The following SSBP3 variants were observed in gnomAD, a reference collection of about 807,000 sequenced individuals.
The protein encoded by SSBP3 is single-stranded DNA-binding protein 3.
SSBP3 carries 5 observed loss-of-function variants against 69.6 expected under a neutral mutation model. The ratio of observed to expected loss-of-function variants is 0.07; its 90% CI spans 0.04 to 0.15. The LOEUF (loss-of-function observed/expected upper bound fraction) is 0.15. SSBP3 is among the 10% of genes least tolerant of loss of function. The pLI is 1.00. For synonymous variants in SSBP3, 196 were observed against 193.4 expected (o/e 1.01, Z -0.11); for missense variants, 312 against 534.0 (o/e 0.58, Z 4.10).
chr1:54,318,422 C>T (rs1646152835), intron 4 of SSBP3, among the ~76,000 whole-genome samples: 1 of 152,172 alleles, frequency 6.6e-6, no homozygotes, highest in Non-Finnish European at 1.5e-5. Flanking sequence ...AGATTGATCA[C>T]CAGGGTAGGA....
At chr1:54,374,360 C>G (rs993978875) in intron 4 of SSBP3, among the ~76,000 whole-genome samples, 3 of 152,210 alleles carry the variant, frequency 2.0e-5, no homozygotes, top group African/African-American at 7.2e-5. Context: ...GCAAACATCC[C>G]AGGTCATCCC....
intron 4 of SSBP3, among the ~76,000 whole-genome samples, chr1:54,391,935 C>G (rs914106062): frequency 6.6e-6 from 1 of 152,166 alleles, no homozygotes; most frequent in Non-Finnish European, 1.5e-5. Flanking sequence ...AGCCAGCCAG[C>G]AGGGACAGGC....
At chr1:54,272,850 C>T (rs191514664) in intron 5 of SSBP3, among the ~76,000 whole-genome samples, 36 of 152,348 alleles carry the variant, frequency 2.4e-4, no homozygotes, top group South Asian at 1.2e-3. Context: ...TGACACCCAT[C>T]CTTCCAGTAT....
intron 14 of SSBP3, among the ~76,000 whole-genome samples, chr1:54,234,438 A>G (rs2100588868): frequency 6.6e-6 from 1 of 152,204 alleles, no homozygotes; most frequent in Admixed American, 6.5e-5. Flanking sequence ...AACAAATAAA[A>G]TTAGCCGGGT....
chr1:54,235,273 GTTTTTTTTT>G (rs200538399), intron 14 of SSBP3, among the ~76,000 whole-genome samples: 1 of 112,034 alleles, frequency 8.9e-6, no homozygotes, highest in South Asian at 3.2e-4. Context: ...AAGATGTCCA[GTTTTTTTTT>G]TTTTTTTTTT....
At chr1:54,266,594 T>G (rs1042104927) in intron 5 of SSBP3, among the ~76,000 whole-genome samples, 7 of 152,220 alleles carry the variant, frequency 4.6e-5, no homozygotes, top group African/African-American at 1.7e-4. Context: ...TCTTCTGTAA[T>G]TCTCAAGGAA....
chr1:54,374,916 G>A (rs1647192147), intron 4 of SSBP3, among the ~76,000 whole-genome samples: 2 of 152,194 alleles, frequency 1.3e-5, no homozygotes, highest in South Asian at 2.1e-4. Flanking sequence ...GTGGGCAGGA[G>A]GCCAGGGGCC....
intron 4 of SSBP3, among the ~76,000 whole-genome samples, chr1:54,294,388 C>T (rs1007029483): frequency 4.0e-5 from 6 of 151,136 alleles, no homozygotes; most frequent in African/African-American, 1.5e-4. Context: ...AAAGCCCTCA[C>T]AAACGACTTG....
At chr1:54,278,217 G>A (rs1488316937) in intron 5 of SSBP3, among the ~76,000 whole-genome samples, 1 of 152,128 alleles carries the variant, frequency 6.6e-6, no homozygotes, top group Non-Finnish European at 1.5e-5. Flanking sequence ...CTAGTGCTTT[G>A]GGGCTGCCTG....
chr1:54,308,078 T>C (rs939393653), intron 4 of SSBP3, among the ~76,000 whole-genome samples: 2 of 152,226 alleles, frequency 1.3e-5, no homozygotes, highest in Non-Finnish European at 2.9e-5. Context: ...CTAGTGCTTA[T>C]AGAATCCATT....
intron 4 of SSBP3, among the ~76,000 whole-genome samples, chr1:54,383,877 C>T (rs925590199): frequency 2.6e-5 from 4 of 152,048 alleles, no homozygotes; most frequent in Admixed American, 6.6e-5. Context: ...GAGGCCGAGG[C>T]GGGCGGATCA....
At chr1:54,304,916 A>ACC (rs917461115) in intron 4 of SSBP3, among the ~76,000 whole-genome samples, 17 of 152,082 alleles carry the variant, frequency 1.1e-4, no homozygotes, top group Non-Finnish European at 2.1e-4. Context: ...AGCCTGGAAG[A>ACC]CCACCACCAC....
chr1:54,311,535 G>T lies in SSBP3; in HGVS notation c.277-30008C>A, dbSNP rs1646001620. The stretch of plus-strand genomic sequence containing the variant: ...CTATTAAAGGACCTACCCACAAGAT[G>T]TCAAAATCGAGACAACCCTGCCTAC... On this transcript the variant is annotated intron_variant, in intron 4 of 17. Transcript: ENST00000610401. Among the ~76,000 whole-genome samples, 4 of 152,252 alleles carry T rather than the reference G, an allele frequency of 2.6e-5. No individual in the cohort carries two copies. The East Asian group carries it at 5.8e-4, about 22-fold the overall frequency.
At chr1:54,369,730 T>A (rs957009377) in intron 4 of SSBP3, among the ~76,000 whole-genome samples, 1 of 151,500 alleles carries the variant, frequency 6.6e-6, no homozygotes. Flanking sequence ...ATACTCAGAC[T>A]CACCAACCAG....
chr1:54,378,847 CCGCTTTATCCTCCTCCGAG>C (rs1235034999), intron 4 of SSBP3, among the ~76,000 whole-genome samples: 2 of 152,186 alleles, frequency 1.3e-5, no homozygotes, highest in Non-Finnish European at 2.9e-5. Context: ...AAAAGAGAGC[CCGCTTTATCCTCCTCCGAG>C]GAAGGAACTC....
At chr1:54,354,717 C>T (rs1342535552) in intron 4 of SSBP3, among the ~76,000 whole-genome samples, 1 of 152,116 alleles carries the variant, frequency 6.6e-6, no homozygotes, top group Non-Finnish European at 1.5e-5. Flanking sequence ...GAACACTAAC[C>T]TCTCCAGGGG....
chr1:54,232,271 G>A (rs565023200), intron 14 of SSBP3, among the ~76,000 whole-genome samples: 2 of 152,128 alleles, frequency 1.3e-5, no homozygotes, highest in South Asian at 4.2e-4. Flanking sequence ...CTTTTTGCTC[G>A]AATACTTAAA....
At chr1:54,305,918 T>C (rs534471942) in intron 4 of SSBP3, among the ~76,000 whole-genome samples, 1 of 150,674 alleles carries the variant, frequency 6.6e-6, no homozygotes, top group East Asian at 1.9e-4. Context: ...CTGCAAGCTG[T>C]TTCCTATGAT....
rs185980197 is a variant in SSBP3 at position 54,283,041 on chromosome 1, C to T, written c.277-1514G>A. Among the ~76,000 whole-genome samples the T allele has an allele frequency of 3.3e-3, 505 of 152,240 alleles. 8 individuals carry two copies. The highest frequency in any genetic ancestry group is 4.3e-3 in the Admixed American group (66 of 15,294). On this transcript the variant is annotated intron_variant, in intron 4 of 17. Coordinates refer to ENST00000610401, the Ensembl canonical transcript of SSBP3. ...CGACACTTTGGGAGGCCAAGGTGGG[C>T]GGATCACCTGAGGTCAGGAGTTTGA...
Sources: gnomAD v4.1 joint callset for allele counts (sites outside exome capture counted in the v4.1 genomes callset) on GRCh38, gnomAD v4.1.1 for gene constraint, MANE v1.5 for transcripts, NCBI Gene and HGNC (gene_info 2026-07-23, HGNC 2026-07-21) for gene names.